SETD2: variants seen among roughly 807,000 people sequenced by gnomAD.
The protein encoded by SETD2 is histone-lysine N-methyltransferase SETD2.
In SETD2, 31 loss-of-function variants were observed where a neutral mutation model predicts 242.1. The ratio of observed to expected loss-of-function variants is 0.13; its 90% CI spans 0.10 to 0.17. The LOEUF (loss-of-function observed/expected upper bound fraction) is 0.17. Ranked by LOEUF, SETD2 falls within the 10% of genes least tolerant of loss-of-function variation. The pLI, the probability that SETD2 is intolerant of heterozygous loss-of-function variation, is 1.00. For synonymous variants in SETD2, 1,006 were observed against 1,066.5 expected (o/e 0.94, Z 1.11); for missense variants, 2,481 against 3,046.3 (o/e 0.81, Z 4.37).
intron 12 of SETD2, among the ~76,000 whole-genome samples, chr3:47,072,233 G>A (rs753898718): frequency 2.6e-5 from 4 of 152,042 alleles, no homozygotes; most frequent in East Asian, 1.9e-4. Flanking sequence ...GCATGAATCC[G>A]GGAGGCGGAG....
At chr3:47,092,162 A>C (rs2041832603) in intron 9 of SETD2, among the ~76,000 whole-genome samples, 2 of 152,252 alleles carry the variant, frequency 1.3e-5, no homozygotes, top group South Asian at 2.1e-4. Context: ...TTTTGCAAAC[A>C]AAATAAAGAT....
At chr3:47,155,242 T>TA (rs1201725693) in intron 1 of SETD2, among the ~76,000 whole-genome samples, 2 of 152,166 alleles carry the variant, frequency 1.3e-5, no homozygotes, top group Non-Finnish European at 2.9e-5. Context: ...TTACAAATGT[T>TA]AAAATGTCTG....
Position 47,121,011 on chromosome 3 carries a change from A to C in SETD2, c.3625T>G (p.Phe1209Val), listed in dbSNP as rs1024800098. The C allele has an allele frequency of 8.1e-6, 13 of 1,614,060 alleles. No homozygotes were observed. The highest frequency in any genetic ancestry group is 9.3e-6 in the Non-Finnish European group (11 of 1,180,022). ...CAAGACTTATTTGGGACATCTTCAA[A>C]ATCAGAAGAATAAATTGGCAGCTCT... ...QEELPIYSSD[F>V]EDVPNKSWQQ... Residue 1209 changes from phenylalanine (F) to valine (V), a missense_variant, in exon 3 of 21, where the codon TTT (phenylalanine) becomes GTT (valine). Phe to Val is a conservative substitution (Grantham distance 50). This residue lies in a region of SETD2 where 1,300 missense variants were observed against 1,259.2 expected (regional missense o/e 1.03). Coordinates refer to ENST00000409792, the MANE Select transcript of SETD2 (RefSeq NM_014159.7).
chr3:47,108,380 A>C (rs2042522571), intron 5 of SETD2, among the ~76,000 whole-genome samples: 1 of 152,172 alleles, frequency 6.6e-6, no homozygotes, highest in Non-Finnish European at 1.5e-5. Context: ...AAGCATATTG[A>C]TGTCATCTGG....
intron 13 of SETD2, among the ~76,000 whole-genome samples, chr3:47,063,896 T>C (rs552479951): frequency 6.6e-6 from 1 of 151,990 alleles, no homozygotes; most frequent in Non-Finnish European, 1.5e-5. Context: ...GGCAGGAGAA[T>C]GGCTTGAACC....
At chr3:47,021,554 G>A (rs2038220857) in intron 18 of SETD2, among the ~76,000 whole-genome samples, 1 of 152,090 alleles carries the variant, frequency 6.6e-6, no homozygotes, top group Non-Finnish European at 1.5e-5. Context: ...AGCTTTCTTG[G>A]TCCTCCTGAG....
rs1231297521 is a variant in SETD2, at chr3:47,083,737, T to C, written c.6043A>G (p.Ser2015Gly). 6.2e-7 allele frequency: 1 copy of C among 1,609,368 alleles called. No homozygotes were observed. The highest frequency in any genetic ancestry group is 8.5e-7 in the Non-Finnish European group (1 of 1,178,112). ...ISDLATKLLD[S>G]WKDLKEVYRI... ...TTCCTTACCTTTAGGTCTTTCCAACTGTCCAGGAGTTTGGTGGCCAAATCA... is the reference window on the plus strand; with the variant it reads ...TTCCTTACCTTTAGGTCTTTCCAACCGTCCAGGAGTTTGGTGGCCAAATCA... Residue 2015 changes from serine to glycine, a missense_variant, in exon 12 of 21, where the codon AGT becomes GGT. This residue lies in a region of SETD2 where 2 missense variants were observed against 20.0 expected (regional missense o/e 0.10). Coordinates refer to ENST00000409792, the MANE Select transcript of SETD2 (RefSeq NM_014159.7).
intron 1 of SETD2, among the ~76,000 whole-genome samples, chr3:47,133,442 TC>T (rs2043524379): frequency 6.6e-6 from 1 of 151,858 alleles, no homozygotes; most frequent in African/African-American, 2.4e-5. Flanking sequence ...TCTCACAGAA[TC>T]CCCCCCAACC....
intron 8 of SETD2, among the ~76,000 whole-genome samples, chr3:47,100,173 C>A (rs2042155057): frequency 6.6e-6 from 1 of 151,930 alleles, no homozygotes; most frequent in Admixed American, 6.6e-5. Context: ...AACTCTTGAC[C>A]TCGTGATCTG....
intron 16 of SETD2, among the ~76,000 whole-genome samples, chr3:47,046,273 G>A (rs1014975253): frequency 1.3e-5 from 2 of 150,446 alleles, no homozygotes; most frequent in Non-Finnish European, 3.0e-5. Context: ...GGAGGTGGAG[G>A]TTGCAGTGAG....
chr3:47,148,059 C>G (rs2043901162), intron 1 of SETD2, among the ~76,000 whole-genome samples: 1 of 151,770 alleles, frequency 6.6e-6, no homozygotes, highest in African/African-American at 2.4e-5. Context: ...TTTAGTAAAC[C>G]TAGGCTTCAA....
chr3:47,105,036 C>G (rs372516107), intron 6 of SETD2, among the ~76,000 whole-genome samples: 1 of 152,090 alleles, frequency 6.6e-6, no homozygotes, highest in African/African-American at 2.4e-5. Context: ...TGGTTTTAAA[C>G]AGACATTCTA....
chr3:47,040,217 G>A (rs2107534099), intron 17 of SETD2, among the ~76,000 whole-genome samples: 1 of 152,204 alleles, frequency 6.6e-6, no homozygotes, highest in African/African-American at 2.4e-5. Context: ...GAAATCAGGT[G>A]ATCTGCCCAT....
At chr3:47,155,414 G>A (rs911442271) in intron 1 of SETD2, among the ~76,000 whole-genome samples, 2 of 152,156 alleles carry the variant, frequency 1.3e-5, no homozygotes, top group Non-Finnish European at 2.9e-5. Flanking sequence ...TAATACAAAC[G>A]TGGCAAAATT....
At chr3:47,149,935 G>A (rs1235007430) in intron 1 of SETD2, among the ~76,000 whole-genome samples, 1 of 150,532 alleles carries the variant, frequency 6.6e-6, no homozygotes, top group East Asian at 2.0e-4. Context: ...GGTATAAAAA[G>A]TATCAGCTAC....
At chr3:47,098,160 A>T in intron 8 of SETD2, 79 bp from the exon 9 acceptor site, 2 of 1,473,126 alleles carry the variant, frequency 1.4e-6, no homozygotes, top group Non-Finnish European at 1.9e-6. Context: ...CACAAAAGTC[A>T]TACCAGTCTA....
chr3:47,056,594 C>G (rs922720983), intron 15 of SETD2, among the ~76,000 whole-genome samples: 5 of 152,156 alleles, frequency 3.3e-5, no homozygotes, highest in Non-Finnish European at 7.4e-5. Flanking sequence ...ACTGTAATTT[C>G]ATGGAAAACC....
Position 47,016,749 on chromosome 3 carries a change from G to C in SETD2, c.*344C>G, listed in dbSNP as rs2037999036. Reference sequence around the variant, plus strand: ...TTAAAATATAATACAGATCATCAGGGTAAAGGGTTGTGGGTGGGGATGCGC... The same window carrying C: ...TTAAAATATAATACAGATCATCAGGCTAAAGGGTTGTGGGTGGGGATGCGC... On this transcript the variant is annotated 3_prime_UTR_variant, in exon 21 of 21. Coordinates refer to ENST00000409792, the MANE Select transcript of SETD2 (RefSeq NM_014159.7). 3.4e-6 allele frequency: 1 copy of C among 294,630 alleles called. No individual in the cohort carries two copies. Among genetic ancestry groups the C allele is most frequent in the Non-Finnish European group, 6.4e-6 (1 of 156,436 alleles). 18.3% of individuals were successfully genotyped at this position (294,630 alleles called of 1,614,324 possible). A position where few individuals can be genotyped will look rare whatever the true frequency, so the allele number is the denominator to read the frequency against.
intron 19 of SETD2, among the ~76,000 whole-genome samples, chr3:47,018,884 T>C (rs753062894): frequency 6.6e-6 from 1 of 152,274 alleles, no homozygotes; most frequent in South Asian, 2.1e-4. Context: ...GTACATTCTA[T>C]TGATATAAGT....
Sources: gnomAD v4.1 joint callset for allele counts (sites outside exome capture counted in the v4.1 genomes callset) on GRCh38, gnomAD v4.1.1 for gene constraint, gnomAD v4.1.1 regional missense constraint, MANE v1.5 for transcripts, NCBI Gene and HGNC (gene_info 2026-07-23, HGNC 2026-07-21) for gene names.